The following RBFOX1 variants were observed in gnomAD, a reference collection of about 807,000 sequenced individuals.
The protein encoded by RBFOX1 is RNA binding protein fox-1 homolog 1.
Under a neutral mutation model 57.7 loss-of-function variants are expected in RBFOX1, and 8 were observed. That is an observed-to-expected ratio of 0.14 (90% confidence interval 0.08 to 0.25). RBFOX1 has a LOEUF of 0.25. RBFOX1 is among the 10% of genes least tolerant of loss of function. RBFOX1 has a pLI of 1.00. For synonymous variants in RBFOX1, 326 were observed against 222.4 expected (o/e 1.47, Z -4.15); for missense variants, 611 against 548.5 (o/e 1.11, Z -1.14).
intron 1 of RBFOX1, among the ~76,000 whole-genome samples, chr16:6,206,925 T>C (rs959566786): frequency 6.6e-6 from 1 of 152,024 alleles, no homozygotes; most frequent in African/African-American, 2.4e-5. Context: ...CAGCACATGG[T>C]GAGCACCTTG....
At chr16:6,507,763 A>G (rs112137318) in intron 2 of RBFOX1, among the ~76,000 whole-genome samples, 5,113 of 152,126 alleles carry the variant, frequency 0.034, 288 homozygotes, top group African/African-American at 0.12. Context: ...AAAGTATCTA[A>G]AGTAGTCAAA....
At chr16:6,513,027 G>A (rs1043657102) in intron 2 of RBFOX1, among the ~76,000 whole-genome samples, 3 of 152,118 alleles carry the variant, frequency 2.0e-5, no homozygotes, top group Admixed American at 2.0e-4. Context: ...CCTTCCCACT[G>A]TGAAAATACA....
At chr16:5,640,474 A>G (rs2048825185) in intron 3 of RBFOX1, among the ~76,000 whole-genome samples, 1 of 151,972 alleles carries the variant, frequency 6.6e-6, no homozygotes, top group Non-Finnish European at 1.5e-5. Flanking sequence ...ACACATGTAC[A>G]CCATGCACAC....
At chr16:7,491,900 C>G (rs1159333690) in intron 4 of RBFOX1, among the ~76,000 whole-genome samples, 2 of 152,164 alleles carry the variant, frequency 1.3e-5, no homozygotes, top group Admixed American at 1.3e-4. Context: ...TCTTCCAAAT[C>G]TGGCTAATTT....
chr16:5,334,501 C>G (rs1382067597), intron 1 of RBFOX1, among the ~76,000 whole-genome samples: 1 of 151,884 alleles, frequency 6.6e-6, no homozygotes, highest in East Asian at 1.9e-4. Context: ...TTGGGTCTTG[C>G]TCATTTTTGG....
chr16:6,727,379 A>G (rs2067476216), intron 3 of RBFOX1, among the ~76,000 whole-genome samples: 1 of 152,002 alleles, frequency 6.6e-6, no homozygotes, highest in African/African-American at 2.4e-5. Context: ...TTAAGTATCC[A>G]GGTTCTCATT....
intron 4 of RBFOX1, among the ~76,000 whole-genome samples, chr16:7,499,072 C>T (rs1165181913): frequency 2.0e-5 from 3 of 152,072 alleles, no homozygotes; most frequent in African/African-American, 4.8e-5. Context: ...CCCAGGGCTA[C>T]GAAAACAAAG....
At chr16:5,696,927 T>A (rs1347078024) in intron 3 of RBFOX1, among the ~76,000 whole-genome samples, 1 of 152,160 alleles carries the variant, frequency 6.6e-6, no homozygotes, top group Non-Finnish European at 1.5e-5. Context: ...TTGTTCTGTT[T>A]TTTGAGACCG....
chr16:7,301,187 G>T (rs531229884), intron 4 of RBFOX1, among the ~76,000 whole-genome samples: 2 of 152,210 alleles, frequency 1.3e-5, no homozygotes, highest in African/African-American at 2.4e-5. Flanking sequence ...TTGATTTGGG[G>T]TCATTGGATG....
intron 3 of RBFOX1, among the ~76,000 whole-genome samples, chr16:6,949,141 T>G (rs1439448161): frequency 6.6e-6 from 1 of 152,190 alleles, no homozygotes; most frequent in Admixed American, 6.5e-5. Context: ...TAGGGATATG[T>G]AACTGATGCC....
At chr16:5,649,060 T>C (rs1192698051) in intron 3 of RBFOX1, among the ~76,000 whole-genome samples, 1 of 151,360 alleles carries the variant, frequency 6.6e-6, no homozygotes, top group African/African-American at 2.4e-5. Context: ...TGAGACTCTG[T>C]ATCAAAAAAA....
At chr16:7,625,300 C>T (rs2059916910) in intron 10 of RBFOX1, among the ~76,000 whole-genome samples, 1 of 152,034 alleles carries the variant, frequency 6.6e-6, no homozygotes, top group African/African-American at 2.4e-5. Flanking sequence ...CGGGTATTTG[C>T]ATATCAAAGC....
In RBFOX1 at chr16:5,856,341, AT is replaced by A. The variant is rs2057056782; in HGVS notation, c.319-10961del. ...TATAGGGAAAACTGTTATATTATAT[AT>A]ATATATATATAATGTTATGATTTGT... On this transcript the variant is annotated intron_variant, in intron 3 of 19. Coordinates refer to the RBFOX1 transcript ENST00000641259. Among the ~76,000 whole-genome samples the A allele has an allele frequency of 2.9e-5, 4 of 135,884 alleles. 1 individual carries two copies. The highest frequency in any genetic ancestry group is 7.7e-5 in the Admixed American group (1 of 12,944). 89.1% of individuals were successfully genotyped at this position (135,884 alleles called of 152,430 possible). A position where few individuals can be genotyped will look rare whatever the true frequency, so the allele number is the denominator to read the frequency against.
intron 4 of RBFOX1, among the ~76,000 whole-genome samples, chr16:7,086,367 T>A (rs926629043): frequency 1.3e-5 from 2 of 152,110 alleles, no homozygotes; most frequent in Non-Finnish European, 2.9e-5. Context: ...CCCTCTCCCC[T>A]TCTGTACATT....
intron 3 of RBFOX1, among the ~76,000 whole-genome samples, chr16:6,873,498 G>C (rs1001964120): frequency 6.6e-6 from 1 of 152,104 alleles, no homozygotes; most frequent in Non-Finnish European, 1.5e-5. Flanking sequence ...ACTTCCTCAA[G>C]GCTATGACAG....
At chr16:5,496,396 A>G (rs942062107) in intron 2 of RBFOX1, among the ~76,000 whole-genome samples, 4 of 151,352 alleles carry the variant, frequency 2.6e-5, no homozygotes, top group Admixed American at 1.3e-4. Flanking sequence ...TTCTCTCCCC[A>G]TTTTTACATG....
chr16:6,692,865 C>T (rs1001646233), intron 3 of RBFOX1, among the ~76,000 whole-genome samples: 2 of 150,932 alleles, frequency 1.3e-5, no homozygotes, highest in Non-Finnish European at 3.0e-5. Flanking sequence ...ATCATCATCA[C>T]CATCCTCATC....
chr16:6,958,730 T>A (rs539001533), intron 3 of RBFOX1, among the ~76,000 whole-genome samples: 2 of 152,296 alleles, frequency 1.3e-5, no homozygotes, highest in South Asian at 4.2e-4. Context: ...TTATGCCGCT[T>A]CAGAAATCTT....
At chr16:5,858,652 C>G (rs2057131460) in intron 3 of RBFOX1, among the ~76,000 whole-genome samples, 1 of 152,198 alleles carries the variant, frequency 6.6e-6, no homozygotes, top group African/African-American at 2.4e-5. Flanking sequence ...TCATTCCTGA[C>G]AGTGAGAGTT....
Sources: gnomAD v4.1 joint callset for allele counts (sites outside exome capture counted in the v4.1 genomes callset) on GRCh38, gnomAD v4.1.1 for gene constraint, MANE v1.5 for transcripts, NCBI Gene and HGNC (gene_info 2026-07-23, HGNC 2026-07-21) for gene names.